The following CRYBG1 variants were observed in gnomAD, a reference collection of about 807,000 sequenced individuals.
The protein encoded by CRYBG1 is crystallin beta-gamma domain containing 1.
CRYBG1 carries 139 observed loss-of-function variants against 189.2 expected under a neutral mutation model. That is an observed-to-expected ratio of 0.73 (90% CI 0.64 to 0.85). The LOEUF (loss-of-function observed/expected upper bound fraction) is 0.85. CRYBG1 is among the 40% of genes least tolerant of loss of function. The probability of loss-of-function intolerance (pLI) is 0.00; values close to 1 mark genes in which losing one functional copy is unlikely to be tolerated. For synonymous variants in CRYBG1, 1,023 were observed against 1,017.1 expected, an observed-to-expected ratio of 1.01 and a Z score of -0.11; for missense variants, 2,611 against 2,675.8, an observed-to-expected ratio of 0.98 and a Z score of 0.53.
rs763600737 is a variant in CRYBG1 at position 106,512,543 on chromosome 6, G to T, written c.1426G>T (p.Gly476Trp). ...GAAATCTCCGCGGGCAGCCCTCGAC[G>T]GGGGCGTTGCCTCCGCTGCGAGCCC... ...KVKSPRAALD[G>W]GVASAASPES... The change falls in exon 3 of 22, where the codon GGG becomes TGG. Residue 476 changes from glycine to tryptophan, a missense_variant. Physicochemically the swap from Gly to Trp is radical, Grantham distance 184. Coordinates refer to ENST00000633556, the MANE Select transcript of CRYBG1 (RefSeq NM_001371242.2). 1.2e-6 allele frequency: 2 copies of T among 1,607,898 alleles called. No individual in the cohort carries two copies. Among genetic ancestry groups the T allele is most frequent in the African/African-American group, 2.7e-5 (2 of 74,826 alleles).
intron 2 of CRYBG1, among the ~76,000 whole-genome samples, chr6:106,471,895 C>G (rs1772240671): frequency 1.3e-5 from 2 of 151,942 alleles, no homozygotes; most frequent in African/African-American, 4.8e-5. Flanking sequence ...CCCCCTATCT[C>G]TCATCTTTGG....
chr6:106,545,203 G>C (rs879366061), intron 13 of CRYBG1, among the ~76,000 whole-genome samples: 3 of 152,144 alleles, frequency 2.0e-5, no homozygotes, highest in Non-Finnish European at 4.4e-5. Context: ...ATTCTGCACA[G>C]AAAGATAGTG....
At chr6:106,562,110 A>T (rs1582842708) in intron 20 of CRYBG1, among the ~76,000 whole-genome samples, 2 of 151,272 alleles carry the variant, frequency 1.3e-5, no homozygotes, top group African/African-American at 4.9e-5. Context: ...GATTTTCTTT[A>T]AAAAAACAAA....
At chr6:106,504,651 TTGTGTGTGTGTATA>T (rs67427903) in intron 2 of CRYBG1, among the ~76,000 whole-genome samples, 95,751 of 151,658 alleles carry the variant, frequency 0.63, 30,555 homozygotes, top group South Asian at 0.86. Flanking sequence ...GTGTGTGTGT[TTGTGTGTGTGTATA>T]TGTGTGTGTG....
intron 13 of CRYBG1, among the ~76,000 whole-genome samples, chr6:106,548,875 T>C (rs1282772581): frequency 1.2e-4 from 18 of 149,226 alleles, no homozygotes; most frequent in South Asian, 6.5e-4. Flanking sequence ...GTATATCTCC[T>C]AATGCTATCC....
At chr6:106,443,889 T>G (rs1771609756) in intron 1 of CRYBG1, among the ~76,000 whole-genome samples, 1 of 152,222 alleles carries the variant, frequency 6.6e-6, no homozygotes, top group African/African-American at 2.4e-5. Flanking sequence ...TTTCTTTTAG[T>G]TATTTTTTAA....
intron 2 of CRYBG1, among the ~76,000 whole-genome samples, chr6:106,508,426 A>G (rs1375402788): frequency 6.6e-6 from 1 of 152,208 alleles, no homozygotes; most frequent in Non-Finnish European, 1.5e-5. Context: ...CAATCAAGAT[A>G]TAGAACTTTA....
At chr6:106,445,369 T>G (rs1447192587) in intron 1 of CRYBG1, among the ~76,000 whole-genome samples, 1 of 152,198 alleles carries the variant, frequency 6.6e-6, no homozygotes, top group East Asian at 1.9e-4. Flanking sequence ...CGTGTGACTT[T>G]GAACAATGAA....
At chr6:106,377,197 T>C (rs1044886739) in intron 1 of CRYBG1, among the ~76,000 whole-genome samples, 1 of 152,208 alleles carries the variant, frequency 6.6e-6, no homozygotes, top group African/African-American at 2.4e-5. Flanking sequence ...AGTTTGCCTA[T>C]CCATACATAC....
At chr6:106,532,414 T>C (rs1773898266) in intron 8 of CRYBG1, among the ~76,000 whole-genome samples, 2 of 152,220 alleles carry the variant, frequency 1.3e-5, no homozygotes, top group African/African-American at 2.4e-5. Flanking sequence ...TTCCTTTGGA[T>C]ATATACTCAG....
chr6:106,467,414 G>A (rs1772136524), intron 2 of CRYBG1, among the ~76,000 whole-genome samples: 1 of 152,108 alleles, frequency 6.6e-6, no homozygotes, highest in South Asian at 2.1e-4. Flanking sequence ...TGAGGCTGCA[G>A]TGAGCCCTGA....
At chr6:106,527,270 G>T in intron 6 of CRYBG1, 35 bp from the exon 7 acceptor site, 1 of 1,573,402 alleles carries the variant, frequency 6.4e-7, no homozygotes, top group South Asian at 1.2e-5. Flanking sequence ...CTCTCACGAA[G>T]ACTGACTAAT....
chr6:106,428,179 G>A (rs776565921), intron 1 of CRYBG1, among the ~76,000 whole-genome samples: 118 of 152,250 alleles, frequency 7.8e-4, no homozygotes, highest in East Asian at 1.9e-4. Flanking sequence ...TCAGAAGTAA[G>A]CTCCCTGATG....
intron 1 of CRYBG1, among the ~76,000 whole-genome samples, chr6:106,425,547 C>T (rs1771209895): frequency 6.6e-6 from 1 of 152,212 alleles, no homozygotes; most frequent in Admixed American, 6.5e-5. Flanking sequence ...CCAATACTGA[C>T]ATATGCAGTT....
intron 17 of CRYBG1, among the ~76,000 whole-genome samples, chr6:106,558,042 C>A (rs556540240): frequency 1.3e-5 from 2 of 152,056 alleles, no homozygotes; most frequent in East Asian, 3.9e-4. Context: ...AAAATACATA[C>A]AAGAGGAAGG....
Position 106,511,755 on chromosome 6 carries a change from C to G in CRYBG1, c.638C>G (p.Pro213Arg), listed in dbSNP as rs1773263478. The change falls in exon 3 of 22, where the codon CCT (proline) becomes CGT (arginine). Residue 213 changes from proline (P) to arginine (R), a missense_variant. Around this residue, in one of 3 missense-constraint regions of CRYBG1, gnomAD observed 985 missense variants for 924.4 expected, o/e 1.07. Coordinates refer to ENST00000633556, the MANE Select transcript of CRYBG1 (RefSeq NM_001371242.2). The part of the protein sequence containing the change: ...PAAPPDAELS[P>R]RWSSSAAAVA... ...GCCCCCCCTGACGCCGAGCTGTCAC[C>G]TCGCTGGAGCAGCAGTGCAGCGGCT... The G allele has an allele frequency of 6.5e-7, 1 of 1,535,288 alleles. No individual in the cohort carries two copies. The highest frequency in any genetic ancestry group is 8.7e-7 in the Non-Finnish European group (1 of 1,146,550).
intron 2 of CRYBG1, among the ~76,000 whole-genome samples, chr6:106,483,406 C>T (rs60235973): frequency 0.076 from 7,955 of 105,182 alleles, 549 homozygotes; most frequent in East Asian, 0.33. Flanking sequence ...ATATATAAAA[C>T]ATTTTCTTTA....
At chr6:106,482,171 C>G (rs1772477030) in intron 2 of CRYBG1, among the ~76,000 whole-genome samples, 1 of 152,206 alleles carries the variant, frequency 6.6e-6, no homozygotes, top group Admixed American at 6.5e-5. Context: ...CAGAATTCAT[C>G]TCCTTGAAGT....
At chr6:106,385,657 G>A (rs1212064150) in intron 1 of CRYBG1, among the ~76,000 whole-genome samples, 1 of 152,074 alleles carries the variant, frequency 6.6e-6, no homozygotes, top group Non-Finnish European at 1.5e-5. Context: ...TGTAAACGTC[G>A]GTAGACTCGT....
Sources: allele counts gnomAD v4.1 joint callset (sites outside exome capture counted in the v4.1 genomes callset), GRCh38; gene constraint gnomAD v4.1.1; regional missense constraint gnomAD v4.1.1; transcripts MANE v1.5; gene names NCBI Gene and HGNC (gene_info 2026-07-23, HGNC 2026-07-21).